ATP2C2: variants seen among roughly 807,000 people sequenced by gnomAD.
ATP2C2 encodes the protein calcium-transporting ATPase type 2C member 2.
A neutral mutation model predicts 110.8 loss-of-function variants in ATP2C2; 171 were observed. That is an observed-to-expected ratio of 1.54 (90% CI 1.36 to 1.75). The LOEUF is 1.75. Ranked by LOEUF, ATP2C2 falls within the 40% of genes most tolerant of loss-of-function variation. The probability of loss-of-function intolerance (pLI) is 0.00; values close to 1 mark genes in which losing one functional copy is unlikely to be tolerated. For missense variants in ATP2C2, 1,963 were observed against 1,235.0 expected (o/e 1.59, Z -8.84); for synonymous variants, 804 against 508.4 (o/e 1.58, Z -7.82).
chr16:84,401,759 A>T (rs1386617629), intron 2 of ATP2C2, among the ~76,000 whole-genome samples: 1 of 152,148 alleles, frequency 6.6e-6, no homozygotes. Context: ...AAAGTCAGGT[A>T]ATATGATTCC....
At chr16:84,426,636 G>C (rs751205862) in intron 11 of ATP2C2, among the ~76,000 whole-genome samples, 1 of 152,070 alleles carries the variant, frequency 6.6e-6, no homozygotes, top group African/African-American at 2.4e-5. Context: ...CTCCTAGGGC[G>C]ACTGTCTGGA....
chr16:84,454,595 C>T (rs1422497026), intron 20 of ATP2C2, among the ~76,000 whole-genome samples: 1 of 152,144 alleles, frequency 6.6e-6, no homozygotes, highest in Admixed American at 6.6e-5. Context: ...TCACAACAGC[C>T]CTGGGAAGAA....
intron 21 of ATP2C2, among the ~76,000 whole-genome samples, chr16:84,455,411 T>C (rs72806648): frequency 0.12 from 18,817 of 152,158 alleles, 1,483 homozygotes; most frequent in Non-Finnish European, 0.18. Context: ...GTTTGAGGCC[T>C]GCGTGTTGAT....
Position 84,463,439 on chromosome 16 carries a change from G to A in ATP2C2, c.2723-175G>A, listed in dbSNP as rs544004705. Among the ~76,000 whole-genome samples the A allele has an allele frequency of 5.9e-3, 905 of 152,246 alleles. 5 individuals carry two copies. Among genetic ancestry groups the A allele is most frequent in the Middle Eastern group, 0.034 (10 of 294 alleles). Reference sequence around the variant, plus strand: ...CTGGAACCACAGGCAGGCCCTTCTGGAACTGCAGCATTTTGGATTCTGGGT... The same window carrying A: ...CTGGAACCACAGGCAGGCCCTTCTGAAACTGCAGCATTTTGGATTCTGGGT... On this transcript the variant is annotated intron_variant, in intron 26 of 26. Transcript: ENST00000262429.
chr16:84,411,799 A>G (rs1287379103), intron 6 of ATP2C2, among the ~76,000 whole-genome samples: 1 of 152,116 alleles, frequency 6.6e-6, no homozygotes, highest in Non-Finnish European at 1.5e-5. Flanking sequence ...ATGCACATGG[A>G]CCTAGTGGCT....
intron 11 of ATP2C2, among the ~76,000 whole-genome samples, chr16:84,426,691 A>G (rs1567715951): frequency 6.6e-6 from 1 of 152,204 alleles, no homozygotes; most frequent in Non-Finnish European, 1.5e-5. Context: ...TACACAGTGC[A>G]GAGTGAGTGT....
intron 1 of ATP2C2, 113 bp downstream of exon 1, chr16:84,368,827 C>T: frequency 1.1e-6 from 1 of 893,072 alleles, no homozygotes; most frequent in Admixed American, 3.2e-5. Context: ...AACTCGCCCT[C>T]CTCCCCTGGC....
At chr16:84,445,459 C>T (rs942007506) in intron 15 of ATP2C2, among the ~76,000 whole-genome samples, 11 of 152,152 alleles carry the variant, frequency 7.2e-5, no homozygotes, top group African/African-American at 2.2e-4. Flanking sequence ...CCACCCGCCT[C>T]GGCTGCCCAA....
intron 21 of ATP2C2, among the ~76,000 whole-genome samples, chr16:84,456,477 G>C (rs1486526352): frequency 1.4e-5 from 2 of 140,498 alleles, no homozygotes; most frequent in Admixed American, 7.3e-5. Flanking sequence ...ACATAGTGTT[G>C]GAAGTTCTGG....
intron 9 of ATP2C2, 62 bp downstream of exon 9, chr16:84,422,759 A>T: frequency 6.7e-7 from 1 of 1,498,398 alleles, no homozygotes; most frequent in Non-Finnish European, 9.1e-7. Context: ...ATTATAGGCA[A>T]ATAATACCAG....
chr16:84,451,980 A>T lies in ATP2C2; in HGVS notation c.1720A>T (p.Ile574Phe), dbSNP rs752195534. Residue 574 changes from isoleucine to phenylalanine, a missense_variant, in exon 18 of 27, where the codon ATC becomes TTC. By Grantham distance (21) the Ile-to-Phe change is conservative. Coordinates refer to ENST00000262429, the MANE Select transcript of ATP2C2 (RefSeq NM_014861.4). ...GCTGACGTTTCTCGGTCTTGTGGGC[A>T]TCATTGACCCCCCGAGAGTTGGCGT... ...GRLTFLGLVG[I>F]IDPPRVGVKE... 5 of 1,613,886 alleles carry T rather than the reference A, an allele frequency of 3.1e-6. No homozygotes were observed. Among genetic ancestry groups the T allele is most frequent in the Non-Finnish European group, 4.2e-6 (5 of 1,179,976 alleles).
At chr16:84,392,509 C>G (rs906064276) in intron 1 of ATP2C2, among the ~76,000 whole-genome samples, 7 of 152,174 alleles carry the variant, frequency 4.6e-5, no homozygotes, top group African/African-American at 1.2e-4. Context: ...GTTGCCCAGG[C>G]TGGAGTGCAG....
In ATP2C2 at chr16:84,461,830, C is replaced by T. The variant is rs377332408; in HGVS notation, c.2580+18C>T. ...GCTCTCAGGTGAGACCCGGGCTGAC[C>T]CTCCTCGCTGCAGAGCTGCTGTGTG... On this transcript the variant is annotated intron_variant, in intron 25 of 26. Coordinates refer to ENST00000262429, the MANE Select transcript of ATP2C2 (RefSeq NM_014861.4). 5 of 1,611,546 alleles carry T rather than the reference C, an allele frequency of 3.1e-6. No individual in the cohort carries two copies. Among genetic ancestry groups the T allele is most frequent in the East Asian group, 2.2e-5 (1 of 44,874 alleles).
chr16:84,451,705 G>T (rs934773694), intron 17 of ATP2C2, among the ~76,000 whole-genome samples: 4 of 152,170 alleles, frequency 2.6e-5, no homozygotes, highest in Non-Finnish European at 5.9e-5. Flanking sequence ...GGGCCTGGAG[G>T]CGCATGCCCG....
chr16:84,426,504 G>C (rs997354903), intron 11 of ATP2C2, among the ~76,000 whole-genome samples: 1 of 152,142 alleles, frequency 6.6e-6, no homozygotes, highest in Non-Finnish European at 1.5e-5. Context: ...CCCAGAGCCA[G>C]CCTGCCTCTG....
At chr16:84,411,411 T>C (rs1306960401) in intron 6 of ATP2C2, among the ~76,000 whole-genome samples, 1 of 152,234 alleles carries the variant, frequency 6.6e-6, no homozygotes, top group East Asian at 1.9e-4. Context: ...ATTAATATCA[T>C]CTGCCCTGTC....
chr16:84,441,260 C>T (rs11640848), intron 14 of ATP2C2, among the ~76,000 whole-genome samples: 19,052 of 152,144 alleles, frequency 0.13, 1,453 homozygotes, highest in Non-Finnish European at 0.17. Flanking sequence ...TAGTGAGACC[C>T]TGTTTCTATT....
At chr16:84,437,177 A>G (rs1233686144) in intron 11 of ATP2C2, among the ~76,000 whole-genome samples, 1 of 152,170 alleles carries the variant, frequency 6.6e-6, no homozygotes, top group Non-Finnish European at 1.5e-5. Flanking sequence ...CCGTCACCAC[A>G]GTCCATTTTA....
intron 15 of ATP2C2, among the ~76,000 whole-genome samples, chr16:84,443,745 C>T (rs1318032864): frequency 2.0e-5 from 3 of 152,216 alleles, no homozygotes; most frequent in Admixed American, 1.3e-4. Context: ...ACCTGTCCCT[C>T]CCTCCAGTGC....
Sources: gnomAD v4.1 joint callset for allele counts (sites outside exome capture counted in the v4.1 genomes callset) on GRCh38, gnomAD v4.1.1 for gene constraint, MANE v1.5 for transcripts, NCBI Gene and HGNC (gene_info 2026-07-23, HGNC 2026-07-21) for gene names.